The following SIL1 variants were observed in gnomAD, a reference collection of about 807,000 sequenced individuals.
The protein encoded by SIL1 is SIL1 nucleotide exchange factor.
A neutral mutation model predicts 49.1 loss-of-function variants in SIL1; 40 were observed. That is an observed-to-expected ratio of 0.81 (90% confidence interval 0.63 to 1.06). The LOEUF (loss-of-function observed/expected upper bound fraction) is 1.06. Ranked by LOEUF, SIL1 falls within the 50% of genes least tolerant of loss-of-function variation. The probability of loss-of-function intolerance (pLI) is 0.00; values close to 1 mark genes in which losing one functional copy is unlikely to be tolerated. For synonymous variants in SIL1, 253 were observed against 250.8 expected, an observed-to-expected ratio of 1.01 and a Z score of -0.08; for missense variants, 500 against 572.6, an observed-to-expected ratio of 0.87 and a Z score of 1.29.
chr5:139,191,317 G>GCACT (rs1752163383), intron 1 of SIL1, among the ~76,000 whole-genome samples: 1 of 150,194 alleles, frequency 6.7e-6, no homozygotes, highest in African/African-American at 2.5e-5. Context: ...ACTATCCACA[G>GCACT]CACTCAAAGC....
chr5:139,007,901 A>C (rs1445987877), intron 7 of SIL1, among the ~76,000 whole-genome samples: 3 of 149,082 alleles, frequency 2.0e-5, no homozygotes, highest in African/African-American at 7.4e-5. Context: ...ATGTTCATCA[A>C]GGATATTGGT....
chr5:139,095,319 G>A (rs10057545), intron 3 of SIL1, among the ~76,000 whole-genome samples: 66,048 of 148,518 alleles, frequency 0.44, 14,891 homozygotes, highest in African/African-American at 0.49. Context: ...GCTGGAGTAC[G>A]GTGGTGCGAT....
At chr5:138,981,557 A>T (rs989933619) in intron 7 of SIL1, among the ~76,000 whole-genome samples, 2 of 152,198 alleles carry the variant, frequency 1.3e-5, no homozygotes, top group Non-Finnish European at 2.9e-5. Context: ...TTTCTTATCC[A>T]CTGCCCACTC....
At position 139,072,524 on chromosome 5, in the gene SIL1, T is replaced by C. The variant is rs938366313; in HGVS notation, c.245-21478A>G. Among the ~76,000 whole-genome samples the C allele has an allele frequency of 2.0e-5, 3 of 152,192 alleles. No homozygotes were observed. The South Asian group carries it at 6.2e-4, about 32-fold the overall frequency. ...CATGTAAAAGAATGAAATTAGACCCTTGGTATATTTGTCATATACCATATG... is the reference window on the plus strand; with the variant it reads ...CATGTAAAAGAATGAAATTAGACCCCTGGTATATTTGTCATATACCATATG... On this transcript the variant is annotated intron_variant, in intron 3 of 9. Transcript: ENST00000394817.
intron 1 of SIL1, among the ~76,000 whole-genome samples, chr5:139,142,435 T>C (rs1277456166): frequency 6.6e-6 from 1 of 152,164 alleles, no homozygotes; most frequent in Admixed American, 6.5e-5. Flanking sequence ...AAGAGAATTA[T>C]ACAACATGAT....
intron 1 of SIL1, among the ~76,000 whole-genome samples, chr5:139,190,440 G>C (rs1349625904): frequency 6.6e-6 from 1 of 152,216 alleles, no homozygotes; most frequent in African/African-American, 2.4e-5. Context: ...GTACAAGGCA[G>C]TAAGTGGAGA....
intron 5 of SIL1, among the ~76,000 whole-genome samples, chr5:139,029,095 G>A (rs1768727588): frequency 6.6e-6 from 1 of 152,216 alleles, no homozygotes; most frequent in East Asian, 1.9e-4. Context: ...GGGCAATATA[G>A]TGAGACTCTC....
chr5:139,125,704 G>T (rs1750738152), intron 2 of SIL1, among the ~76,000 whole-genome samples: 1 of 152,154 alleles, frequency 6.6e-6, no homozygotes, highest in South Asian at 2.1e-4. Context: ...AGGAAACAAA[G>T]CTCAGAAAGG....
At chr5:139,018,426 C>T (rs1379217505) in intron 7 of SIL1, among the ~76,000 whole-genome samples, 4 of 151,854 alleles carry the variant, frequency 2.6e-5, no homozygotes, top group African/African-American at 9.7e-5. Flanking sequence ...CTTGCCTCTA[C>T]AAAAATTATA....
chr5:139,054,408 T>C (rs894389236), intron 3 of SIL1, among the ~76,000 whole-genome samples: 1 of 152,108 alleles, frequency 6.6e-6, no homozygotes, highest in African/African-American at 2.4e-5. Flanking sequence ...AGAACTTGTC[T>C]CTAAATTAAA....
chr5:138,996,941 CTT>C (rs1304743631), intron 7 of SIL1, among the ~76,000 whole-genome samples: 1 of 152,134 alleles, frequency 6.6e-6, no homozygotes, highest in African/African-American at 2.4e-5. Flanking sequence ...TTTCTCCAAT[CTT>C]TTCTTTTGAG....
intron 6 of SIL1, among the ~76,000 whole-genome samples, 157 bp downstream of exon 6, chr5:139,026,644 T>C (rs1330089157): frequency 2.0e-5 from 3 of 152,174 alleles, no homozygotes; most frequent in African/African-American, 7.2e-5. Flanking sequence ...CCTCTAAGAC[T>C]GTATCTTACT....
chr5:138,951,077 A>G (rs1561801282), intron 9 of SIL1, 94 bp downstream of exon 9: 10 of 1,397,214 alleles, frequency 7.2e-6, no homozygotes, highest in Admixed American at 1.9e-5. Flanking sequence ...AAAGCAAACA[A>G]GTGACGTCCG....
intron 3 of SIL1, among the ~76,000 whole-genome samples, chr5:139,060,881 A>G (rs1005748261): frequency 2.0e-5 from 3 of 152,194 alleles, no homozygotes; most frequent in Non-Finnish European, 4.4e-5. Context: ...GCCTGAGGCC[A>G]TGAAGCACCA....
intron 3 of SIL1, among the ~76,000 whole-genome samples, chr5:139,110,853 C>T (rs1378838259): frequency 6.6e-6 from 1 of 152,250 alleles, no homozygotes; most frequent in Admixed American, 6.5e-5. Flanking sequence ...TGCCAGAAAC[C>T]TGGCTTCACA....
intron 3 of SIL1, among the ~76,000 whole-genome samples, chr5:139,057,883 C>T (rs1769490493): frequency 6.6e-6 from 1 of 152,152 alleles, no homozygotes; most frequent in Admixed American, 6.5e-5. Context: ...AGTGTTTTCA[C>T]ATGGTGGAAG....
chr5:139,027,868 A>T (rs1768696541), intron 5 of SIL1, among the ~76,000 whole-genome samples: 1 of 152,170 alleles, frequency 6.6e-6, no homozygotes, highest in African/African-American at 2.4e-5. Context: ...TTGCTCATCT[A>T]TTACCTATGG....
chr5:139,028,276 G>A (rs1768705779), intron 5 of SIL1, among the ~76,000 whole-genome samples: 1 of 150,944 alleles, frequency 6.6e-6, no homozygotes, highest in Admixed American at 6.6e-5. Context: ...GAGGCAGGCA[G>A]ATCACGAGGT....
At chr5:138,985,864 G>A (rs772458119) in intron 7 of SIL1, among the ~76,000 whole-genome samples, 7 of 152,292 alleles carry the variant, frequency 4.6e-5, no homozygotes, top group African/African-American at 1.4e-4. Context: ...CTCCCTCAGC[G>A]ACTGGCCAGT....
Sources: gnomAD v4.1 joint callset for allele counts (sites outside exome capture counted in the v4.1 genomes callset) on GRCh38, gnomAD v4.1.1 for gene constraint, MANE v1.5 for transcripts, NCBI Gene and HGNC (gene_info 2026-07-23, HGNC 2026-07-21) for gene names.